TUSC3: variants seen among roughly 807,000 people sequenced by gnomAD.
The protein encoded by TUSC3 is tumor suppressor candidate 3, also known as dolichyl-diphosphooligosaccharide--protein glycosyltransferase subunit TUSC3.
Under a neutral mutation model 44.8 loss-of-function variants are expected in TUSC3, and 45 were observed. That is an observed-to-expected ratio of 1.00 (90% confidence interval 0.79 to 1.29). TUSC3 has a LOEUF of 1.29. Among genes scored for constraint, TUSC3 ranks in the 50% most tolerant of loss-of-function variants. The pLI, the probability that TUSC3 is intolerant of heterozygous loss-of-function variation, is 0.00. For missense variants in TUSC3, 519 were observed against 437.9 expected, an observed-to-expected ratio of 1.19 and a Z score of -1.65; for synonymous variants, 212 against 152.9, an observed-to-expected ratio of 1.39 and a Z score of -2.85.
chr8:15,738,828 T>TTTTTTTCTTCTTTC (rs1811052996), intron 7 of TUSC3, among the ~76,000 whole-genome samples: 3 of 93,878 alleles, frequency 3.2e-5, no homozygotes, highest in African/African-American at 1.3e-4. Context: ...TATATCTTGC[T>TTTTTTTCTTCTTTC]TTTTTTTTTT....
At chr8:15,470,337 G>A (rs1800472601) in intron 1 of TUSC3, among the ~76,000 whole-genome samples, 1 of 151,780 alleles carries the variant, frequency 6.6e-6, no homozygotes, top group African/African-American at 2.4e-5. Context: ...AGGTTTTTAG[G>A]GCAATACAAC....
intron 1 of TUSC3, among the ~76,000 whole-genome samples, chr8:15,565,084 G>T (rs146730827): frequency 6.6e-6 from 1 of 151,966 alleles, no homozygotes; most frequent in African/African-American, 2.4e-5. Flanking sequence ...CAGTTCTGGA[G>T]GTGGGATGTC....
intron 6 of TUSC3, among the ~76,000 whole-genome samples, chr8:15,694,787 G>C (rs79073454): frequency 0.019 from 2,961 of 152,234 alleles, 96 homozygotes; most frequent in African/African-American, 0.066. Flanking sequence ...GGTCCCTCCT[G>C]ATTACTGGAG....
intron 1 of TUSC3, among the ~76,000 whole-genome samples, chr8:15,446,025 G>A (rs1004648615): frequency 2.6e-5 from 4 of 152,014 alleles, no homozygotes; most frequent in Non-Finnish European, 5.9e-5. Flanking sequence ...CGGCTGCCGG[G>A]CGGAGGGGCT....
intron 1 of TUSC3, among the ~76,000 whole-genome samples, chr8:15,441,266 G>T (rs1348571346): frequency 1.3e-5 from 2 of 152,228 alleles, no homozygotes; most frequent in South Asian, 2.1e-4. Flanking sequence ...AATTAGTCGG[G>T]CATGGTGGCA....
the TUSC3 span, among the ~76,000 whole-genome samples, chr8:15,803,954 G>A: frequency 5.3e-5 from 8 of 152,114 alleles, no homozygotes; most frequent in African/African-American, 1.7e-4. Flanking sequence ...TATCATCGAT[G>A]GGCATTTGGG....
At chr8:15,822,901 C>T in the TUSC3 span, among the ~76,000 whole-genome samples, 1 of 152,102 alleles carries the variant, frequency 6.6e-6, no homozygotes, top group South Asian at 2.1e-4. Flanking sequence ...AGCTTGTTTG[C>T]AGTGGATTGA....
chr8:15,653,793 T>A (rs1294778157), intron 3 of TUSC3, among the ~76,000 whole-genome samples: 1 of 152,246 alleles, frequency 6.6e-6, no homozygotes, highest in Non-Finnish European at 1.5e-5. Flanking sequence ...AACTGACTAT[T>A]AAATCATATT....
the TUSC3 span, among the ~76,000 whole-genome samples, chr8:15,792,143 CA>C: frequency 6.4e-4 from 97 of 151,854 alleles, 1 homozygote; most frequent in African/African-American, 2.1e-3. Flanking sequence ...CACACACACA[CA>C]CCCTCTACCC....
intron 9 of TUSC3, chr8:15,748,710 A>G: frequency 4.7e-6 from 3 of 634,510 alleles, no homozygotes; most frequent in Admixed American, 1.8e-5. Context: ...TTATATAACA[A>G]ATGAGGTTTA....
chr8:15,694,359 T>G (rs768137783), intron 6 of TUSC3, among the ~76,000 whole-genome samples: 13 of 147,104 alleles, frequency 8.8e-5, no homozygotes, highest in Non-Finnish European at 1.8e-4. Flanking sequence ...GGAAAATCAC[T>G]TGAACCTGGG....
chr8:15,817,021 T>C, the TUSC3 span, among the ~76,000 whole-genome samples: 1 of 152,210 alleles, frequency 6.6e-6, no homozygotes. Context: ...TACTGATTAG[T>C]AATTTGGAAC....
intron 4 of TUSC3, among the ~76,000 whole-genome samples, chr8:15,660,157 CA>C (rs1807355485): frequency 6.6e-6 from 1 of 151,792 alleles, no homozygotes; most frequent in Admixed American, 6.6e-5. Context: ...AGGATGCAAT[CA>C]AGGATGATTT....
intron 1 of TUSC3, among the ~76,000 whole-genome samples, chr8:15,448,888 A>G (rs975853300): frequency 6.6e-6 from 1 of 152,080 alleles, no homozygotes; most frequent in Non-Finnish European, 1.5e-5. Flanking sequence ...AATTTCTATC[A>G]CCTAGTGACG....
At chr8:15,806,687 C>T in the TUSC3 span, 3 of 941,358 alleles carry the variant, frequency 3.2e-6, no homozygotes, top group South Asian at 4.1e-5. Context: ...CCCATGGATA[C>T]ATTTGTAATC....
chr8:15,571,049 T>G (rs1802857692), intron 1 of TUSC3, among the ~76,000 whole-genome samples: 1 of 143,974 alleles, frequency 6.9e-6, no homozygotes, highest in African/African-American at 2.5e-5. Flanking sequence ...CTCTACCTCC[T>G]AGGTTCAAGG....
intron 1 of TUSC3, among the ~76,000 whole-genome samples, chr8:15,452,979 C>G (rs970670280): frequency 1.3e-5 from 2 of 151,972 alleles, no homozygotes; most frequent in African/African-American, 4.8e-5. Flanking sequence ...AGCGACCACT[C>G]CCCCGTCACA....
Position 15,570,265 on chromosome 8 carries a change from TACACACACAC to T in TUSC3, c.138+29726_138+29735del, listed in dbSNP as rs3070896. Among the ~76,000 whole-genome samples, 718 of 148,168 alleles carry T rather than the reference TACACACACAC, an allele frequency of 4.8e-3. 7 individuals are homozygous for T. Among genetic ancestry groups the T allele is most frequent in the African/African-American group, 0.016 (654 of 40,372 alleles). On this transcript the variant is annotated intron_variant, in intron 1 of 10. Transcript: ENST00000503731. Reference sequence around the variant, plus strand: ...AGCAACCTTGTTTTATAATGTATTTTACACACACACACACACACACACACACACACACACA... The same window carrying T: ...AGCAACCTTGTTTTATAATGTATTTTACACACACACACACACACACACACA...
intron 1 of TUSC3, among the ~76,000 whole-genome samples, chr8:15,424,480 A>T (rs144923185): frequency 6.6e-6 from 1 of 152,288 alleles, no homozygotes; most frequent in East Asian, 1.9e-4. Context: ...AAAGGGATAG[A>T]TGTGGTTTCT....
Sources: gnomAD v4.1 joint callset for allele counts (sites outside exome capture counted in the v4.1 genomes callset) on GRCh38, gnomAD v4.1.1 for gene constraint, MANE v1.5 for transcripts, NCBI Gene and HGNC (gene_info 2026-07-23, HGNC 2026-07-21) for gene names.